The following TMEM120B variants were observed in gnomAD, a reference collection of about 807,000 sequenced individuals.
The protein encoded by TMEM120B is transmembrane protein 120B.
TMEM120B carries 31 observed loss-of-function variants against 55.5 expected under a neutral mutation model. The observed-to-expected ratio is 0.56, with a 90% confidence interval of 0.42 to 0.75. TMEM120B has a LOEUF of 0.75. Among genes scored for constraint, TMEM120B ranks in the 30% least tolerant of loss-of-function variants. The pLI is 0.00. For missense variants in TMEM120B, 399 were observed against 425.5 expected (o/e 0.94, Z 0.55); for synonymous variants, 203 against 176.3 (o/e 1.15, Z -1.20).
At chr12:121,751,509 A>T (rs996255776) in intron 4 of TMEM120B, among the ~76,000 whole-genome samples, 6 of 151,364 alleles carry the variant, frequency 4.0e-5, no homozygotes, top group Non-Finnish European at 8.8e-5. Flanking sequence ...GGGAAGTTGC[A>T]TCTAAGCTAG....
chr12:121,730,217 C>T (rs1184147826), intron 1 of TMEM120B, among the ~76,000 whole-genome samples: 1 of 151,394 alleles, frequency 6.6e-6, no homozygotes, highest in Non-Finnish European at 1.5e-5. Flanking sequence ...CAGGATTGGG[C>T]CGCTGCACTC....
In TMEM120B at chr12:121,742,978, T is replaced by A. The variant is rs144334457; in HGVS notation, c.70-651T>A. On this transcript the variant is annotated intron_variant, in intron 1 of 11. Transcript: ENST00000449592. ...AGAGATAAGGGGTTGTTTCCCTGCC[T>A]GTGGTGGTATTTATTTGGAGGTATG... 9.5e-3 allele frequency among the ~76,000 whole-genome samples: 1,444 copies of A among 152,216 alleles called. 14 individuals are homozygous for A. Among genetic ancestry groups the A allele is most frequent in the South Asian group, 0.047 (227 of 4,818 alleles).
At chr12:121,726,978 A>T (rs1301825063) in intron 1 of TMEM120B, among the ~76,000 whole-genome samples, 1 of 150,362 alleles carries the variant, frequency 6.7e-6, no homozygotes, top group Non-Finnish European at 1.5e-5. Flanking sequence ...TAATCCCAGC[A>T]CTTTGGGAGG....
intron 1 of TMEM120B, among the ~76,000 whole-genome samples, chr12:121,733,314 G>A (rs1305932665): frequency 6.6e-6 from 1 of 151,828 alleles, no homozygotes; most frequent in Non-Finnish European, 1.5e-5. Context: ...GCATGATCTC[G>A]GCTCACTGCA....
At chr12:121,734,612 C>T (rs1895069858) in intron 1 of TMEM120B, among the ~76,000 whole-genome samples, 1 of 151,012 alleles carries the variant, frequency 6.6e-6, no homozygotes, top group Non-Finnish European at 1.5e-5. Context: ...TTTATTTTTA[C>T]TTCTTTTAAA....
intron 2 of TMEM120B, among the ~76,000 whole-genome samples, chr12:121,746,612 C>T (rs1305022899): frequency 6.6e-6 from 1 of 152,080 alleles, no homozygotes; most frequent in Non-Finnish European, 1.5e-5. Context: ...GGATCATAGG[C>T]GTATGTGCTG....
At position 121,779,824 on chromosome 12, in the gene TMEM120B, G is replaced by A; in HGVS notation, c.*4102G>A. 1 of 722,198 alleles carries A rather than the reference G, an allele frequency of 1.4e-6. No individual in the cohort carries two copies. The highest frequency in any genetic ancestry group is 1.8e-5 in the South Asian group (1 of 55,096). 44.7% of individuals were successfully genotyped at this position (722,198 alleles called of 1,614,324 possible). A position where few individuals can be genotyped will look rare whatever the true frequency, so the allele number is the denominator to read the frequency against. Reference sequence around the variant, plus strand: ...TGGCTGCCCCTCACAGTGTGTGGGTGGAATGGAGGGCCAGGGCAGTGCAGC... The same window carrying A: ...TGGCTGCCCCTCACAGTGTGTGGGTAGAATGGAGGGCCAGGGCAGTGCAGC... On this transcript the variant is annotated 3_prime_UTR_variant, in exon 12 of 12. Transcript: ENST00000449592.
intron 1 of TMEM120B, among the ~76,000 whole-genome samples, chr12:121,725,831 G>A (rs1156362912): frequency 6.6e-6 from 1 of 151,942 alleles, no homozygotes. Flanking sequence ...GAGGTCAGGG[G>A]TTCGAGACCA....
At chr12:121,732,593 G>C (rs1895021395) in intron 1 of TMEM120B, among the ~76,000 whole-genome samples, 1 of 152,222 alleles carries the variant, frequency 6.6e-6, no homozygotes, top group South Asian at 2.1e-4. Context: ...ATAGCATGGA[G>C]TGTTGCTCAG....
At chr12:121,773,400 G>A (rs1874125236) in intron 8 of TMEM120B, 21 bp from the exon 9 acceptor site, 1 of 1,600,530 alleles carries the variant, frequency 6.2e-7, no homozygotes, top group Non-Finnish European at 8.5e-7. Context: ...CCTGAGCCCA[G>A]GTGCTGTGCT....
chr12:121,770,842 C>T, intron 6 of TMEM120B, 65 bp from the exon 7 acceptor site: 1 of 1,487,514 alleles, frequency 6.7e-7, no homozygotes, highest in Admixed American at 1.7e-5. Context: ...GGTGGGGCCT[C>T]AGCGAGACAC....
At chr12:121,773,314 G>A in intron 8 of TMEM120B, 107 bp from the exon 9 acceptor site, 2 of 976,266 alleles carry the variant, frequency 2.0e-6, no homozygotes, top group South Asian at 3.0e-5. Flanking sequence ...CACCCTTTCT[G>A]CTTCTGCCCA....
In TMEM120B at chr12:121,776,823, G is replaced by GTCTGTTGC. The variant is rs1566529051; in HGVS notation, c.*1102_*1109dup. 6.6e-6 allele frequency: 1 copy of GTCTGTTGC among 151,738 alleles called. No homozygotes were observed. Among genetic ancestry groups the GTCTGTTGC allele is most frequent in the East Asian group, 1.9e-4 (1 of 5,182 alleles). 9.4% of individuals were successfully genotyped at this position (151,738 alleles called of 1,614,324 possible). A position where few individuals can be genotyped will look rare whatever the true frequency, so the allele number is the denominator to read the frequency against. On this transcript the variant is annotated 3_prime_UTR_variant, in exon 12 of 12. Coordinates refer to ENST00000449592, the MANE Select transcript of TMEM120B (RefSeq NM_001080825.2). ...TTACTTTTTTTTTTTTTGAGACAGG[G>GTCTGTTGC]TCTGTTGCCTAGGCGGGAGTGCAGT...
At chr12:121,727,933 C>G (rs1894927970) in intron 1 of TMEM120B, among the ~76,000 whole-genome samples, 1 of 147,838 alleles carries the variant, frequency 6.8e-6, no homozygotes, top group South Asian at 2.2e-4. Context: ...AGCTTCTTTT[C>G]TTAACTAAGT....
chr12:121,730,125 A>G (rs1004903574), intron 1 of TMEM120B, among the ~76,000 whole-genome samples: 57 of 150,238 alleles, frequency 3.8e-4, no homozygotes, highest in Non-Finnish European at 1.0e-4. Flanking sequence ...TGGGCGTGGT[A>G]GCAGGCGCCT....
chr12:121,725,902 T>G (rs1360526982), intron 1 of TMEM120B, among the ~76,000 whole-genome samples: 1 of 151,240 alleles, frequency 6.6e-6, no homozygotes, highest in Non-Finnish European at 1.5e-5. Flanking sequence ...CCGGGTGTGG[T>G]GATGCGTACC....
rs779399430 is a variant in TMEM120B at position 121,750,434 on chromosome 12, G to A, written c.360G>A (p.Gln120=). Residue 120 remains glutamine (Q), a synonymous_variant, in exon 4 of 12, where the codon CAG becomes CAA. Coordinates refer to ENST00000449592, the MANE Select transcript of TMEM120B (RefSeq NM_001080825.2). ...GNVNVTLLSN[Q]AKFAYKDEYE... ...TGAACGTGACCCTCCTCAGCAACCAGGCCAAGTAAGTGTCCCCCACCCACC... is the reference window on the plus strand; with the variant it reads ...TGAACGTGACCCTCCTCAGCAACCAAGCCAAGTAAGTGTCCCCCACCCACC... 1.2e-6 allele frequency: 2 copies of A among 1,611,924 alleles called. No individual in the cohort carries two copies. The highest frequency in any genetic ancestry group is 2.2e-5 in the South Asian group (2 of 91,036).
At position 121,775,660 on chromosome 12, in the gene TMEM120B, A is replaced by G. The variant is rs1353076349; in HGVS notation, c.958A>G (p.Thr320Ala). The change falls in exon 12 of 12, where the codon ACC (threonine) becomes GCC (alanine). Residue 320 changes from threonine (T) to alanine (A), a missense_variant. Around this residue, in one of 3 missense-constraint regions of TMEM120B, gnomAD observed 260 missense variants for 303.9 expected, o/e 0.86. Transcript: ENST00000449592. The surrounding 1 kb of genome is among the most constrained non-coding windows in gnomAD (Gnocchi z 4.3). ...FLILFLGNFL[T>A]TLKVVHAKLQ... ...CATCCTCTTCCTCGGCAACTTCCTG[A>G]CCACGCTCAAAGTCGTGCATGCCAA... 6.2e-7 allele frequency: 1 copy of G among 1,613,902 alleles called. No individual in the cohort carries two copies. Among genetic ancestry groups the G allele is most frequent in the East Asian group, 2.2e-5 (1 of 44,874 alleles).
chr12:121,766,283 C>T (rs1873846590), intron 6 of TMEM120B, among the ~76,000 whole-genome samples: 1 of 151,622 alleles, frequency 6.6e-6, no homozygotes. Context: ...TGCCACTCAT[C>T]AGCTCAGCAT....
Sources: allele counts gnomAD v4.1 joint callset (sites outside exome capture counted in the v4.1 genomes callset), GRCh38; gene constraint gnomAD v4.1.1; regional missense constraint gnomAD v4.1.1; non-coding constraint Gnocchi (gnomAD v3.1); transcripts MANE v1.5; gene names NCBI Gene and HGNC (gene_info 2026-07-23, HGNC 2026-07-21).